The following NPHP3 variants were observed in gnomAD, a reference collection of about 807,000 sequenced individuals.
The protein encoded by NPHP3 is nephrocystin 3.
NPHP3 carries 123 observed loss-of-function variants against 171.9 expected under a neutral mutation model. The observed-to-expected ratio is 0.72, with a 90% CI of 0.62 to 0.83. The LOEUF is 0.83. Among genes scored for constraint, NPHP3 ranks in the 40% least tolerant of loss-of-function variants. The pLI is 0.00. For synonymous variants in NPHP3, 558 were observed against 579.2 expected (o/e 0.96, Z 0.52); for missense variants, 1,506 against 1,591.9 (o/e 0.95, Z 0.92).
intron 23 of NPHP3, chr3:132,685,726 A>G (rs1253602275): frequency 1.9e-5 from 3 of 155,842 alleles, no homozygotes; most frequent in Non-Finnish European, 2.9e-5. Context: ...TATAAAATAC[A>G]CCAGGGAAGC....
At chr3:132,687,254 C>T (rs1939186151) in intron 21 of NPHP3, 28 bp from the exon 22 acceptor site, 1 of 972,946 alleles carries the variant, frequency 1.0e-6, no homozygotes, top group African/African-American at 1.6e-5. Context: ...GTAAGTCAAA[C>T]AAAAGAAACA....
At chr3:132,714,156 A>G (rs1400649812) in intron 5 of NPHP3, among the ~76,000 whole-genome samples, 1 of 152,266 alleles carries the variant, frequency 6.6e-6, no homozygotes, top group Non-Finnish European at 1.5e-5. Flanking sequence ...ACGTAAACGA[A>G]TGAGTGCAGC....
rs537787472 is a variant in NPHP3, at chr3:132,692,874, G to A, written c.2311-56C>T. The A allele has an allele frequency of 1.2e-5, 17 of 1,441,802 alleles. 1 individual carries two copies. Among genetic ancestry groups the A allele is most frequent in the Middle Eastern group, 1.7e-4 (1 of 5,760 alleles). 89.3% of individuals were successfully genotyped at this position (1,441,802 alleles called of 1,614,324 possible). A position where few individuals can be genotyped will look rare whatever the true frequency, so the allele number is the denominator to read the frequency against. ...TAAAGCACCTGTATAAGTAACTAAC[G>A]GCCATTAAAAGTTCCATAATTCTTT... On this transcript the variant is annotated intron_variant, in intron 16 of 26. Coordinates refer to ENST00000337331, the MANE Select transcript of NPHP3 (RefSeq NM_153240.5).
At chr3:132,692,237 A>G (rs1939317637) in intron 17 of NPHP3, among the ~76,000 whole-genome samples, 1 of 152,196 alleles carries the variant, frequency 6.6e-6, no homozygotes, top group Non-Finnish European at 1.5e-5. Flanking sequence ...ACGCTCTACA[A>G]TGCTCACACA....
chr3:132,691,394 A>G, intron 17 of NPHP3, 108 bp from the exon 18 acceptor site: 1 of 764,300 alleles, frequency 1.3e-6, no homozygotes. Context: ...TTATAGCTGT[A>G]TAATAGAAAT....
intron 6 of NPHP3, among the ~76,000 whole-genome samples, chr3:132,709,080 T>G (rs1173778318): frequency 6.6e-6 from 1 of 152,026 alleles, no homozygotes; most frequent in Non-Finnish European, 1.5e-5. Context: ...ATACCCAATA[T>G]ATACTACAGG....
chr3:132,718,707 T>A (rs1292880265), intron 3 of NPHP3, among the ~76,000 whole-genome samples: 2 of 152,208 alleles, frequency 1.3e-5, no homozygotes, highest in Non-Finnish European at 2.9e-5. Flanking sequence ...AATGCAGATG[T>A]GCTGGTGGGA....
At chr3:132,688,566 A>C (rs1939219006) in intron 21 of NPHP3, 84 bp downstream of exon 21, 6 of 1,453,692 alleles carry the variant, frequency 4.1e-6, no homozygotes, top group Non-Finnish European at 5.8e-6. Context: ...GTACACAGTG[A>C]TAAAACAAAG....
At chr3:132,715,881 A>G (rs1940037199) in intron 4 of NPHP3, among the ~76,000 whole-genome samples, 1 of 152,208 alleles carries the variant, frequency 6.6e-6, no homozygotes, top group African/African-American at 2.4e-5. Context: ...CTTGGTATCA[A>G]TGGAGGATTG....
At chr3:132,713,740 T>G (rs1430059399) in intron 5 of NPHP3, among the ~76,000 whole-genome samples, 1 of 152,212 alleles carries the variant, frequency 6.6e-6, no homozygotes, top group African/African-American at 2.4e-5. Context: ...ATAATTAAGT[T>G]AGTAAGTAAT....
chr3:132,681,999 C>A lies in NPHP3; in HGVS notation c.3904G>T (p.Ala1302Ser). Residue 1302 changes from alanine to serine, a missense_variant, in exon 27 of 27, where the codon GCT (alanine) becomes TCT (serine). By Grantham distance (99) the Ala-to-Ser change is moderately conservative. Coordinates refer to ENST00000337331, the MANE Select transcript of NPHP3 (RefSeq NM_153240.5). Reference sequence around the variant, plus strand: ...CCACTTGATGAATGGCGTGAAGGAGCTTTTCCACCCAAGAGTGATGTTTCT... The same window carrying A: ...CCACTTGATGAATGGCGTGAAGGAGATTTTCCACCCAAGAGTGATGTTTCT... ...EAETSLLGGKAPSRHSSSGDT... is the reference protein window; with the variant it reads ...EAETSLLGGKSPSRHSSSGDT... 1 of 1,613,998 alleles carries A rather than the reference C, an allele frequency of 6.2e-7. No homozygotes were observed. The highest frequency in any genetic ancestry group is 8.5e-7 in the Non-Finnish European group (1 of 1,179,874).
In NPHP3 at chr3:132,687,184, A is replaced by G; in HGVS notation, c.3168T>C (p.Ile1056=). Residue 1056 remains isoleucine (I), a synonymous_variant, in exon 22 of 27, where the codon ATT becomes ATC. Transcript: ENST00000337331. The part of the protein sequence containing the change: ...AEHFRKKSFK[I]HQKAIKKKGN... ...CTTTTTTCTTTATAGCTTTCTGATG[A>G]ATTTTAAAGGATTTTTTCCTAAAAT... is the stretch of plus-strand genomic sequence containing the variant. 1 of 1,475,724 alleles carries G rather than the reference A, an allele frequency of 6.8e-7. No homozygotes were observed. The highest frequency in any genetic ancestry group is 9.5e-7 in the Non-Finnish European group (1 of 1,057,186). 91.4% of individuals were successfully genotyped at this position (1,475,724 alleles called of 1,614,324 possible).
At chr3:132,718,056 C>T (rs200859776) in intron 3 of NPHP3, 1 of 387,338 alleles carries the variant, frequency 2.6e-6, no homozygotes, top group African/African-American at 5.6e-5. Context: ...GCCCGGCCTT[C>T]ATTTTTTTTC....
chr3:132,709,511 G>A (rs1235555692), intron 6 of NPHP3, among the ~76,000 whole-genome samples: 5 of 151,970 alleles, frequency 3.3e-5, no homozygotes, highest in Non-Finnish European at 7.4e-5. Flanking sequence ...TTGAATTCCT[G>A]GGCTCAAGTG....
rs1939406624 is a variant in NPHP3, at chr3:132,694,904, G to C, written c.2233C>G (p.Leu745Val). 6.2e-7 allele frequency: 1 copy of C among 1,613,724 alleles called. No homozygotes were observed. Among genetic ancestry groups the C allele is most frequent in the Non-Finnish European group, 8.5e-7 (1 of 1,179,802 alleles). Residue 745 changes from leucine (L) to valine (V), a missense_variant, in exon 16 of 27, where the codon CTT (leucine) becomes GTT (valine). Around this residue, in one of 3 missense-constraint regions of NPHP3, gnomAD observed 930 missense variants for 924.9 expected, o/e 1.01. Transcript: ENST00000337331. The part of the protein sequence containing the change: ...LHQCFQCQDT[L>V]SLYRLVLHSI... Reference sequence around the variant, plus strand: ...TGCAGAACAAGTCTATATAATGAAAGAGTATCTTGACACTGGAAACACTGA... The same window carrying C: ...TGCAGAACAAGTCTATATAATGAAACAGTATCTTGACACTGGAAACACTGA...
At chr3:132,703,084 T>C (rs903343593) in intron 9 of NPHP3, among the ~76,000 whole-genome samples, 5 of 152,232 alleles carry the variant, frequency 3.3e-5, no homozygotes, top group African/African-American at 1.2e-4. Context: ...CTAACATTTA[T>C]CATGGGCCAG....
chr3:132,720,282 C>T (rs897974116), intron 1 of NPHP3, among the ~76,000 whole-genome samples: 9 of 152,188 alleles, frequency 5.9e-5, no homozygotes, highest in African/African-American at 2.2e-4. Flanking sequence ...AAATGTCTGA[C>T]ACAATGAATG....
chr3:132,708,330 G>T, intron 6 of NPHP3, 73 bp from the exon 7 acceptor site: 1 of 1,431,172 alleles, frequency 7.0e-7, no homozygotes, highest in Non-Finnish European at 9.8e-7. Context: ...CAACCTAAGT[G>T]CCAATAATGG....
rs1353244729 is a variant in NPHP3, at chr3:132,690,573, T to G, written c.2648A>C (p.His883Pro). 1 of 1,613,370 alleles carries G rather than the reference T, an allele frequency of 6.2e-7. No homozygotes were observed. The highest frequency in any genetic ancestry group is 1.3e-5 in the African/African-American group (1 of 74,914). ...FQQQGSKQKLHDCLLNLFVSQ... is the reference protein window; with the variant it reads ...FQQQGSKQKLPDCLLNLFVSQ... Reference sequence around the variant, plus strand: ...CACAAAGAGATTAAGAAGGCAATCATGCAGCTTCTGTTTACTTCCCTGCTG... The same window carrying G: ...CACAAAGAGATTAAGAAGGCAATCAGGCAGCTTCTGTTTACTTCCCTGCTG... The change falls in exon 19 of 27, where the codon CAT becomes CCT. Residue 883 changes from histidine (H) to proline (P), a missense_variant. By Grantham distance (77) the His-to-Pro change is moderately conservative (BLOSUM62 -2). This residue lies in a region of NPHP3 where 569 missense variants were observed against 648.1 expected (regional missense o/e 0.88). Coordinates refer to ENST00000337331, the MANE Select transcript of NPHP3 (RefSeq NM_153240.5).
Sources: allele counts gnomAD v4.1 joint callset (sites outside exome capture counted in the v4.1 genomes callset), GRCh38; gene constraint gnomAD v4.1.1; regional missense constraint gnomAD v4.1.1; transcripts MANE v1.5; gene names NCBI Gene and HGNC (gene_info 2026-07-23, HGNC 2026-07-21).